Variants in CLCN3 observed in about 807,000 individuals in gnomAD.
CLCN3 encodes the protein H(+)/Cl(-) exchange transporter 3.
A neutral mutation model predicts 83.4 loss-of-function variants in CLCN3; 16 were observed. The ratio of observed to expected loss-of-function variants is 0.19; its 90% CI spans 0.13 to 0.29. CLCN3 has a LOEUF of 0.29. Among genes scored for constraint, CLCN3 ranks in the 10% least tolerant of loss-of-function variants. The probability of loss-of-function intolerance (pLI) is 1.00; values close to 1 mark genes in which losing one functional copy is unlikely to be tolerated. For synonymous variants in CLCN3, 322 were observed against 346.2 expected (o/e 0.93, Z 0.78); for missense variants, 544 against 1,006.0 (o/e 0.54, Z 6.21).
intron 2 of CLCN3, among the ~76,000 whole-genome samples, chr4:169,664,812 T>C (rs1731184297): frequency 6.6e-6 from 1 of 152,234 alleles, no homozygotes; most frequent in Admixed American, 6.5e-5. Context: ...AAATGCTTTG[T>C]ATCAAGATTT....
At chr4:169,678,000 A>G (rs550594984) in intron 2 of CLCN3, among the ~76,000 whole-genome samples, 4 of 152,308 alleles carry the variant, frequency 2.6e-5, no homozygotes, top group Non-Finnish European at 4.4e-5. Flanking sequence ...TTTGACTCTA[A>G]TGAGGGAACC....
intron 9 of CLCN3, 67 bp from the exon 10 acceptor site, chr4:169,703,931 A>G: frequency 7.0e-7 from 1 of 1,431,706 alleles, no homozygotes; most frequent in Non-Finnish European, 9.8e-7. Context: ...ATAAATGCAT[A>G]GAATGTAAGT....
intron 2 of CLCN3, among the ~76,000 whole-genome samples, chr4:169,679,155 G>A (rs1285281243): frequency 6.6e-6 from 1 of 151,190 alleles, no homozygotes; most frequent in Non-Finnish European, 1.5e-5. Flanking sequence ...CTGGGCAGAG[G>A]TGCTCCTCAC....
intron 9 of CLCN3, among the ~76,000 whole-genome samples, chr4:169,703,307 G>A (rs528212458): frequency 2.0e-5 from 3 of 152,318 alleles, no homozygotes; most frequent in South Asian, 4.1e-4. Flanking sequence ...GTAACACAAA[G>A]CATAGTAAAA....
At chr4:169,622,822 A>G (rs1159493022) in intron 1 of CLCN3, among the ~76,000 whole-genome samples, 1 of 152,216 alleles carries the variant, frequency 6.6e-6, no homozygotes. Flanking sequence ...TCAAAATGCT[A>G]GAGAAAAACA....
chr4:169,690,763 A>G, intron 6 of CLCN3, 111 bp downstream of exon 6: 2 of 1,013,118 alleles, frequency 2.0e-6, no homozygotes, highest in Non-Finnish European at 2.8e-6. Flanking sequence ...TTTGTTCATA[A>G]TATGAAAAAA....
chr4:169,696,970 A>T (rs1732588362), intron 8 of CLCN3, among the ~76,000 whole-genome samples: 1 of 152,118 alleles, frequency 6.6e-6, no homozygotes, highest in African/African-American at 2.4e-5. Flanking sequence ...TATTTATTAG[A>T]CATTTATGAT....
intron 3 of CLCN3, chr4:169,680,584 A>G (rs2150239442): frequency 5.7e-6 from 1 of 174,624 alleles, no homozygotes; most frequent in East Asian, 1.7e-4. Flanking sequence ...AACTCATTGC[A>G]TAGCTCTTAC....
chr4:169,699,386 A>C (rs1732690155), intron 9 of CLCN3, among the ~76,000 whole-genome samples: 1 of 152,218 alleles, frequency 6.6e-6, no homozygotes, highest in Non-Finnish European at 1.5e-5. Flanking sequence ...GGGGAAGCAC[A>C]TATCAGCTTA....
chr4:169,679,654 C>T (rs35078786), intron 2 of CLCN3, among the ~76,000 whole-genome samples: 25,880 of 152,124 alleles, frequency 0.17, 2,822 homozygotes, highest in South Asian at 0.31. Flanking sequence ...CTTGGGAGGC[C>T]GAGGCGGGCA....
In CLCN3 at chr4:169,723,154, A is replaced by C. The variant is rs562380331; in HGVS notation, c.*3157A>C. ...GTAAAAACGACTACTGTGATGAGTT[A>C]ATCAGAAAATCTATTAAAATCTATA... is the stretch of plus-strand genomic sequence containing the variant. On this transcript the variant is annotated 3_prime_UTR_variant, in exon 13 of 13. Coordinates refer to ENST00000513761, the MANE Select transcript of CLCN3 (RefSeq NM_001829.4). 2.6e-5 allele frequency: 4 copies of C among 152,348 alleles called. No homozygotes were observed. The East Asian group carries it at 5.8e-4, about 22-fold the overall frequency. 9.4% of individuals were successfully genotyped at this position (152,348 alleles called of 1,614,324 possible). A position where few individuals can be genotyped will look rare whatever the true frequency, so the allele number is the denominator to read the frequency against.
chr4:169,643,184 T>C, intron 2 of CLCN3: 1 of 152,270 alleles, frequency 6.6e-6, no homozygotes, highest in African/African-American at 2.4e-5. Flanking sequence ...TAATGAAAAG[T>C]AAAGGCTATG....
At chr4:169,697,139 A>G (rs370353344) in intron 8 of CLCN3, 50 bp from the exon 9 acceptor site, 13 of 1,311,022 alleles carry the variant, frequency 9.9e-6, no homozygotes, top group South Asian at 1.5e-5. Context: ...TATCAGAAAC[A>G]TCTTATAAAA....
chr4:169,688,452 T>C (rs913163913), intron 4 of CLCN3, among the ~76,000 whole-genome samples: 3 of 152,210 alleles, frequency 2.0e-5, no homozygotes, highest in Non-Finnish European at 4.4e-5. Flanking sequence ...AAAATTTTTG[T>C]GGAGAATAAA....
chr4:169,621,256 C>T (rs1280248515), intron 1 of CLCN3, among the ~76,000 whole-genome samples, 193 bp downstream of exon 1: 1 of 152,204 alleles, frequency 6.6e-6, no homozygotes, highest in East Asian at 1.9e-4. Flanking sequence ...AAATTTCACA[C>T]ATCTGCTTCA....
intron 2 of CLCN3, among the ~76,000 whole-genome samples, chr4:169,640,938 A>G (rs1210129432): frequency 2.0e-5 from 3 of 152,156 alleles, no homozygotes; most frequent in Non-Finnish European, 2.9e-5. Flanking sequence ...TTAGGCGCCT[A>G]TATCCTTTTT....
intron 2 of CLCN3, among the ~76,000 whole-genome samples, chr4:169,637,689 G>C (rs1730267460): frequency 6.6e-6 from 1 of 151,796 alleles, no homozygotes; most frequent in African/African-American, 2.4e-5. Context: ...AGGTCACAAA[G>C]ATATTCTCCT....
intron 2 of CLCN3, among the ~76,000 whole-genome samples, chr4:169,637,406 A>G (rs968752539): frequency 6.6e-6 from 1 of 152,102 alleles, no homozygotes; most frequent in African/African-American, 2.4e-5. Flanking sequence ...CAATCCCAGC[A>G]CTTTGGAAGG....
chr4:169,622,428 C>T (rs943631814), intron 1 of CLCN3, among the ~76,000 whole-genome samples: 10 of 152,054 alleles, frequency 6.6e-5, no homozygotes, highest in Non-Finnish European at 1.3e-4. Flanking sequence ...CAGATTTGAT[C>T]TCTGTGGTGG....
Sources: allele counts gnomAD v4.1 joint callset (sites outside exome capture counted in the v4.1 genomes callset), GRCh38; gene constraint gnomAD v4.1.1; transcripts MANE v1.5; gene names NCBI Gene and HGNC (gene_info 2026-07-23, HGNC 2026-07-21).